SCN9A: variants seen among roughly 807,000 people sequenced by gnomAD.
SCN9A encodes sodium voltage-gated channel alpha subunit 9.
A neutral mutation model predicts 187.0 loss-of-function variants in SCN9A; 131 were observed. The ratio of observed to expected loss-of-function variants is 0.70; its 90% CI spans 0.61 to 0.81. SCN9A has a LOEUF of 0.81. Among genes scored for constraint, SCN9A ranks in the 30% least tolerant of loss-of-function variants. The pLI is 0.00. For missense variants in SCN9A, 2,252 were observed against 2,396.6 expected (o/e 0.94, Z 1.26); for synonymous variants, 809 against 808.6 (o/e 1.00, Z -0.01).
chr2:166,280,960 T>C (rs1455630860), intron 13 of SCN9A, among the ~76,000 whole-genome samples: 1 of 152,188 alleles, frequency 6.6e-6, no homozygotes, highest in Non-Finnish European at 1.5e-5. Flanking sequence ...TTTAGTCCCA[T>C]GACAACAATA....
At chr2:166,310,302 GA>G (rs1249146735) in intron 2 of SCN9A, among the ~76,000 whole-genome samples, 1 of 82,662 alleles carries the variant, frequency 1.2e-5, no homozygotes, top group East Asian at 2.5e-4. Flanking sequence ...ACTACCATCA[GA>G]GTGAACATGC....
chr2:166,363,033 A>G (rs2105318205), intron 1 of SCN9A, among the ~76,000 whole-genome samples: 1 of 152,106 alleles, frequency 6.6e-6, no homozygotes, highest in East Asian at 1.9e-4. Context: ...AGGGGACTTA[A>G]CCTCCACAAG....
At chr2:166,290,080 C>G (rs1290399577) in intron 9 of SCN9A, among the ~76,000 whole-genome samples, 1 of 152,050 alleles carries the variant, frequency 6.6e-6, no homozygotes, top group African/African-American at 2.4e-5. Flanking sequence ...TCCCACCCCC[C>G]AACAGGCCCC....
At chr2:166,281,371 C>T (rs947900726) in intron 13 of SCN9A, among the ~76,000 whole-genome samples, 1 of 152,180 alleles carries the variant, frequency 6.6e-6, no homozygotes, top group Non-Finnish European at 1.5e-5. Context: ...GCATCAATTA[C>T]TATTAAATCA....
At chr2:166,282,537 A>G (rs1376563883) in intron 12 of SCN9A, among the ~76,000 whole-genome samples, 9 of 152,144 alleles carry the variant, frequency 5.9e-5, no homozygotes, top group Non-Finnish European at 1.3e-4. Flanking sequence ...CAAATTTAAA[A>G]CACTATGTTG....
Position 166,197,641 on chromosome 2 carries a change from T to C in SCN9A, c.*1031A>G, listed in dbSNP as rs2106334194. On this transcript the variant is annotated 3_prime_UTR_variant, in exon 27 of 27. Transcript: ENST00000642356. ...AATAAATACTGTGCCCAAGTTATTA[T>C]CTGCTCAAGTATGTACCGTGGTCAA... 1 of 152,292 alleles carries C rather than the reference T, an allele frequency of 6.6e-6. No homozygotes were observed. Among genetic ancestry groups the C allele is most frequent in the South Asian group, 2.1e-4 (1 of 4,828 alleles). The allele number at this position is 152,292 out of a possible 1,614,324, so 9.4% of individuals were successfully genotyped here. A position where few individuals can be genotyped will look rare whatever the true frequency, so the allele number is the denominator to read the frequency against.
chr2:166,364,211 AC>A lies in SCN9A; in HGVS notation c.-51+11485del, dbSNP rs201821518. ...TTGACAAGGGTGTGGAGAAATTGTA[AC>A]CCTTGTGCATTGCTGATAGGAATAT... On this transcript the variant is annotated intron_variant, in intron 1 of 26. Coordinates refer to ENST00000642356, the MANE Select transcript of SCN9A (RefSeq NM_001365536.1). Among the ~76,000 whole-genome samples, 1,275 of 152,158 alleles carry A rather than the reference AC, an allele frequency of 8.4e-3. 23 individuals are homozygous for A. The highest frequency in any genetic ancestry group is 0.029 in the African/African-American group (1,210 of 41,512).
chr2:166,280,733 T>A (rs55658507), intron 13 of SCN9A, 138 bp from the exon 14 acceptor site: 11,029 of 613,832 alleles, frequency 0.018, 540 homozygotes, highest in African/African-American at 0.13. Context: ...ACTATTTCAA[T>A]GAAAGCATAG....
intron 1 of SCN9A, among the ~76,000 whole-genome samples, chr2:166,314,772 A>C (rs1221452385): frequency 2.6e-5 from 4 of 152,204 alleles, no homozygotes; most frequent in Non-Finnish European, 4.4e-5. Context: ...CAAAATGTAG[A>C]GTATTTTTTG....
In SCN9A at chr2:166,281,730, G is replaced by T. The variant is rs1559007508; in HGVS notation, c.2053C>A (p.Leu685Ile). 1 of 1,613,182 alleles carries T rather than the reference G, an allele frequency of 6.2e-7. No homozygotes were observed. ...LSEDMLNDPN[L>I]RQRAMSRASI... ...GCTCTACTCATTGCTCTCTGTCTGAGGTTGGGATCATTCAGCATATCCTCT... is the reference window on the plus strand; with the variant it reads ...GCTCTACTCATTGCTCTCTGTCTGATGTTGGGATCATTCAGCATATCCTCT... The change falls in exon 13 of 27, where the codon CTC (leucine) becomes ATC (isoleucine). Residue 685 changes from leucine (L) to isoleucine (I), a missense_variant. By Grantham distance (5) the Leu-to-Ile change is conservative. Transcript: ENST00000642356.
intron 6 of SCN9A, 197 bp downstream of exon 6, chr2:166,304,041 T>C (rs776476300): frequency 2.6e-5 from 42 of 1,613,138 alleles, no homozygotes; most frequent in Non-Finnish European, 3.1e-5. Context: ...CTGGAATGAC[T>C]GAAATTGTTT....
chr2:166,336,817 AG>A (rs1425180603), intron 1 of SCN9A, among the ~76,000 whole-genome samples: 1 of 152,098 alleles, frequency 6.6e-6, no homozygotes, highest in Non-Finnish European at 1.5e-5. Context: ...CTCCTTTTAT[AG>A]TACACTTAAT....
chr2:166,204,600 A>G (rs1693708735), intron 24 of SCN9A, 136 bp from the exon 25 acceptor site: 1 of 485,916 alleles, frequency 2.1e-6, no homozygotes, highest in African/African-American at 2.0e-5. Context: ...ATAGCTATAC[A>G]TAAAATATAT....
chr2:166,264,532 T>C (rs1286862493), intron 17 of SCN9A, among the ~76,000 whole-genome samples: 2 of 152,034 alleles, frequency 1.3e-5, no homozygotes, highest in African/African-American at 2.4e-5. Flanking sequence ...CTGTTTAAGA[T>C]ATTTGACTAA....
chr2:166,206,220 TTTA>T (rs1252407279), intron 24 of SCN9A, among the ~76,000 whole-genome samples: 7 of 152,178 alleles, frequency 4.6e-5, no homozygotes, highest in Non-Finnish European at 7.3e-5. Flanking sequence ...CATATGTATA[TTTA>T]TTGCAGCACT....
At chr2:166,258,605 G>T (rs990560468) in intron 17 of SCN9A, among the ~76,000 whole-genome samples, 2 of 151,532 alleles carry the variant, frequency 1.3e-5, no homozygotes, top group African/African-American at 4.8e-5. Flanking sequence ...TGTATTCAAA[G>T]TTTATACTAG....
intron 12 of SCN9A, among the ~76,000 whole-genome samples, chr2:166,283,654 G>T (rs189046003): frequency 1.1e-3 from 161 of 152,260 alleles, no homozygotes; most frequent in African/African-American, 3.4e-3. Context: ...TTGTGTCAAT[G>T]CTTGCATTTC....
chr2:166,199,775 G>A lies in SCN9A; in HGVS notation c.4864C>T (p.Arg1622Cys), dbSNP rs1270673434. 2.5e-6 allele frequency: 4 copies of A among 1,614,006 alleles called. No homozygotes were observed. The highest frequency in any genetic ancestry group is 2.5e-6 in the Non-Finnish European group (3 of 1,180,010). The stretch of plus-strand genomic sequence containing the variant: ...ATCCCCTTTGCTCCTTTGACTAGAC[G>A]TAGGATTCGGCCAATCCTGGCAAGA... ...IRLARIGRIL[R>C]LVKGAKGIRT... Residue 1622 changes from arginine (R) to cysteine (C), a missense_variant, in exon 27 of 27, where the codon CGT (arginine) becomes TGT (cysteine). Around this residue, in one of 7 missense-constraint regions of SCN9A, gnomAD observed 84 missense variants for 134.2 expected, o/e 0.63. Transcript: ENST00000642356.
intron 18 of SCN9A, among the ~76,000 whole-genome samples, chr2:166,248,987 T>C (rs546314187): frequency 9.9e-5 from 15 of 152,164 alleles, no homozygotes; most frequent in African/African-American, 3.6e-4. Context: ...TAACTTTTAA[T>C]CCTCTTCCCA....
Sources: gnomAD v4.1 joint callset for allele counts (sites outside exome capture counted in the v4.1 genomes callset) on GRCh38, gnomAD v4.1.1 for gene constraint, gnomAD v4.1.1 regional missense constraint, MANE v1.5 for transcripts, NCBI Gene and HGNC (gene_info 2026-07-23, HGNC 2026-07-21) for gene names.